KIAA1328: variants seen among roughly 807,000 people sequenced by gnomAD.
The protein encoded by KIAA1328 is protein hinderin.
In KIAA1328, 52 loss-of-function variants were observed where a neutral mutation model predicts 68.1. That is an observed-to-expected ratio of 0.76 (90% CI 0.61 to 0.96). The LOEUF (loss-of-function observed/expected upper bound fraction) is 0.96, where lower values mean the gene tolerates loss of function less well. Ranked by LOEUF, KIAA1328 falls within the 40% of genes least tolerant of loss-of-function variation. The probability of loss-of-function intolerance (pLI) is 0.00; values close to 1 mark genes in which losing one functional copy is unlikely to be tolerated. For synonymous variants in KIAA1328, 232 were observed against 239.4 expected, an observed-to-expected ratio of 0.97 and a Z score of 0.28; for missense variants, 641 against 677.6, an observed-to-expected ratio of 0.95 and a Z score of 0.60.
intron 6 of KIAA1328, 82 bp from the exon 7 acceptor site, chr18:37,066,808 A>T: frequency 1.6e-6 from 2 of 1,266,268 alleles, no homozygotes; most frequent in Non-Finnish European, 2.2e-6. Flanking sequence ...GTAAATATAT[A>T]TCACTGATTT....
intron 4 of KIAA1328, among the ~76,000 whole-genome samples, chr18:36,884,997 G>A (rs2048450813): frequency 1.3e-5 from 2 of 151,710 alleles, no homozygotes; most frequent in Admixed American, 6.6e-5. Flanking sequence ...AAGAATACAT[G>A]TACTGCAAAC....
intron 6 of KIAA1328, among the ~76,000 whole-genome samples, chr18:36,979,003 T>C (rs1007839589): frequency 1.3e-5 from 2 of 151,844 alleles, no homozygotes; most frequent in Admixed American, 6.6e-5. Flanking sequence ...CTACAAATAT[T>C]TGAAAAATAG....
intron 6 of KIAA1328, among the ~76,000 whole-genome samples, chr18:36,964,710 C>T (rs2051842122): frequency 6.6e-6 from 1 of 152,046 alleles, no homozygotes; most frequent in Non-Finnish European, 1.5e-5. Context: ...AGAGGTTCTT[C>T]ACTTGTTCTA....
At chr18:36,990,657 C>G (rs919922088) in intron 6 of KIAA1328, among the ~76,000 whole-genome samples, 1 of 151,574 alleles carries the variant, frequency 6.6e-6, no homozygotes, top group Non-Finnish European at 1.5e-5. Flanking sequence ...GGCAACAGAG[C>G]AAGACTCCGT....
chr18:37,230,291 T>C (rs2060658933), downstream of KIAA1328: 1 of 152,230 alleles, frequency 6.6e-6, no homozygotes, highest in Non-Finnish European at 1.5e-5. Context: ...CTTGGTGATA[T>C]GGCCCACTGC....
chr18:36,995,932 G>A (rs1282048514), intron 6 of KIAA1328, among the ~76,000 whole-genome samples: 1 of 152,174 alleles, frequency 6.6e-6, no homozygotes, highest in Non-Finnish European at 1.5e-5. Flanking sequence ...ATTGTCTGGG[G>A]AGAAGTTGGC....
intron 5 of KIAA1328, chr18:36,946,222 A>G (rs1056300041): frequency 3.9e-5 from 6 of 152,354 alleles, no homozygotes; most frequent in South Asian, 2.1e-4. Context: ...TTTACTTTCT[A>G]TATGCTTCCT....
At chr18:37,099,078 A>G (rs538973122) in intron 7 of KIAA1328, among the ~76,000 whole-genome samples, 2 of 152,122 alleles carry the variant, frequency 1.3e-5, no homozygotes, top group South Asian at 4.1e-4. Context: ...TATTTCCTTC[A>G]ATTCTGCTCT....
At chr18:36,834,688 A>G (rs2150764924) in intron 2 of KIAA1328, among the ~76,000 whole-genome samples, 1 of 152,296 alleles carries the variant, frequency 6.6e-6, no homozygotes, top group East Asian at 1.9e-4. Flanking sequence ...TGCTTGATAC[A>G]GGGTATATGT....
At chr18:37,135,176 C>T (rs896953171) in intron 7 of KIAA1328, among the ~76,000 whole-genome samples, 1 of 152,132 alleles carries the variant, frequency 6.6e-6, no homozygotes, top group African/African-American at 2.4e-5. Context: ...GTGCATGAGT[C>T]TTTCTGGCAG....
At chr18:36,925,600 C>T (rs965660247) in intron 5 of KIAA1328, among the ~76,000 whole-genome samples, 4 of 151,236 alleles carry the variant, frequency 2.6e-5, no homozygotes, top group Non-Finnish European at 5.9e-5. Context: ...GCAGTGGTGC[C>T]ATCAATGGCT....
intron 4 of KIAA1328, among the ~76,000 whole-genome samples, chr18:36,844,927 G>A (rs907164979): frequency 1.3e-5 from 2 of 151,662 alleles, no homozygotes; most frequent in Non-Finnish European, 3.0e-5. Flanking sequence ...TTAAATTTAC[G>A]GAGAGACCAT....
intron 7 of KIAA1328, among the ~76,000 whole-genome samples, chr18:37,091,609 G>A (rs1040197996): frequency 5.9e-5 from 9 of 152,108 alleles, no homozygotes; most frequent in African/African-American, 2.2e-4. Context: ...TCAAGCAGCT[G>A]CACCTCCCTG....
At chr18:37,001,043 C>G (rs558189711) in intron 6 of KIAA1328, among the ~76,000 whole-genome samples, 20 of 151,814 alleles carry the variant, frequency 1.3e-4, no homozygotes, top group Non-Finnish European at 2.8e-4. Flanking sequence ...GACATAAGAA[C>G]AGACCTAAAT....
intron 5 of KIAA1328, chr18:36,895,854 G>A (rs1008855701): frequency 8.8e-6 from 4 of 452,652 alleles, no homozygotes; most frequent in African/African-American, 2.0e-5. Context: ...AGATCTCTCT[G>A]TCACACACCA....
At chr18:37,191,557 T>C (rs2059904576) in intron 9 of KIAA1328, among the ~76,000 whole-genome samples, 1 of 152,192 alleles carries the variant, frequency 6.6e-6, no homozygotes, top group African/African-American at 2.4e-5. Flanking sequence ...TATCAGCTGC[T>C]TCACTCACAG....
In KIAA1328 at chr18:37,222,105, G is replaced by T; in HGVS notation, c.1612G>T (p.Ala538Ser). The change falls in exon 10 of 10, where the codon GCC (alanine) becomes TCC (serine). Residue 538 changes from alanine (A) to serine (S), a missense_variant. Coordinates refer to ENST00000280020, the MANE Select transcript of KIAA1328 (RefSeq NM_020776.3). ...GCGCTATCCCTCCAGAGAAGCTGGGGCCTGGAATCATGGTACTTTCCGACT... is the reference window on the plus strand; with the variant it reads ...GCGCTATCCCTCCAGAGAAGCTGGGTCCTGGAATCATGGTACTTTCCGACT... ...PQRYPSREAG[A>S]WNHGTFRLSP... is the part of the protein sequence containing the mutation. 3 of 1,613,498 alleles carry T rather than the reference G, an allele frequency of 1.9e-6. No homozygotes were observed. The South Asian group carries it at 3.3e-5, about 18-fold the overall frequency.
At chr18:36,842,884 A>G (rs561807892) in intron 3 of KIAA1328, among the ~76,000 whole-genome samples, 21 of 152,138 alleles carry the variant, frequency 1.4e-4, no homozygotes, top group Non-Finnish European at 2.6e-4. Context: ...TTCTCCTACA[A>G]TGTTATATGC....
chr18:37,160,518 C>A, intron 8 of KIAA1328, 137 bp downstream of exon 8: 1 of 658,456 alleles, frequency 1.5e-6, no homozygotes, highest in Non-Finnish European at 2.5e-6. Flanking sequence ...TGCAAGGCCA[C>A]AGGTAACACA....
Sources: allele counts gnomAD v4.1 joint callset (sites outside exome capture counted in the v4.1 genomes callset), GRCh38; gene constraint gnomAD v4.1.1; transcripts MANE v1.5; gene names NCBI Gene and HGNC (gene_info 2026-07-23, HGNC 2026-07-21).